SCMH1: variants seen among roughly 807,000 people sequenced by gnomAD.
SCMH1 encodes polycomb protein SCMH1.
A neutral mutation model predicts 70.8 loss-of-function variants in SCMH1; 37 were observed. The observed-to-expected ratio is 0.52, with a 90% confidence interval of 0.40 to 0.69. The LOEUF (loss-of-function observed/expected upper bound fraction) is 0.69. Among genes scored for constraint, SCMH1 ranks in the 30% least tolerant of loss-of-function variants. The pLI, the probability that SCMH1 is intolerant of heterozygous loss-of-function variation, is 0.00. For synonymous variants in SCMH1, 292 were observed against 307.4 expected (o/e 0.95, Z 0.52); for missense variants, 607 against 827.3 (o/e 0.73, Z 3.27).
chr1:41,079,519 CCTAA>C (rs1273353891), intron 8 of SCMH1, among the ~76,000 whole-genome samples: 7 of 152,094 alleles, frequency 4.6e-5, no homozygotes, highest in Admixed American at 3.9e-4. Flanking sequence ...AACCAACCAA[CCTAA>C]CTGATACATA....
Position 41,113,806 on chromosome 1 carries a change from T to C in SCMH1, c.502-280A>G, listed in dbSNP as rs1479512631. On this transcript the variant is annotated intron_variant, in intron 7 of 14. Coordinates refer to ENST00000337495, the Ensembl canonical transcript of SCMH1. This position sits in a 1 kb window ranked among gnomAD's most constrained non-coding sequence, Gnocchi z 4.3. The stretch of plus-strand genomic sequence containing the variant: ...CCCTTTCTGCCCTTCCCATATTCCA[T>C]TCCCCCTCTACCTACCACGGAGGTA... Among the ~76,000 whole-genome samples, 1 of 152,174 alleles carries C rather than the reference T, an allele frequency of 6.6e-6. No individual in the cohort carries two copies. The highest frequency in any genetic ancestry group is 2.4e-5 in the African/African-American group (1 of 41,440).
chr1:41,093,858 G>T (rs1165255220), intron 8 of SCMH1, among the ~76,000 whole-genome samples: 1 of 152,184 alleles, frequency 6.6e-6, no homozygotes, highest in Non-Finnish European at 1.5e-5. Flanking sequence ...TCATTTGAAA[G>T]CTTGAATTTT....
chr1:41,128,125 C>T (rs1673684829), intron 6 of SCMH1, among the ~76,000 whole-genome samples: 1 of 152,178 alleles, frequency 6.6e-6, no homozygotes. Flanking sequence ...ATTTTAATTT[C>T]AGAGGCTTTA....
At chr1:41,042,151 G>A (rs1288257118) in intron 12 of SCMH1, among the ~76,000 whole-genome samples, 1 of 151,568 alleles carries the variant, frequency 6.6e-6, no homozygotes, top group Non-Finnish European at 1.5e-5. Flanking sequence ...GAGTACCTCT[G>A]TGCTCTGCTT....
At chr1:41,230,884 AT>A (rs1661171450) in intron 1 of SCMH1, among the ~76,000 whole-genome samples, 1 of 152,196 alleles carries the variant, frequency 6.6e-6, no homozygotes, top group Admixed American at 6.5e-5. Context: ...TCTCCAGGCG[AT>A]TCTGATATTC....
At chr1:41,225,527 C>A (rs571947123) in intron 1 of SCMH1, among the ~76,000 whole-genome samples, 2 of 152,084 alleles carry the variant, frequency 1.3e-5, no homozygotes, top group Non-Finnish European at 2.9e-5. Context: ...AATCCATTAA[C>A]GATTAACAGA....
chr1:41,139,297 C>T (rs1342337362), intron 6 of SCMH1, among the ~76,000 whole-genome samples: 6 of 152,184 alleles, frequency 3.9e-5, no homozygotes, highest in Non-Finnish European at 8.8e-5. Context: ...CCATTGTTCT[C>T]TCCCTTTTTT....
chr1:41,204,799 T>A (rs1177134460), intron 1 of SCMH1, among the ~76,000 whole-genome samples: 1 of 152,208 alleles, frequency 6.6e-6, no homozygotes, highest in East Asian at 1.9e-4. Context: ...CTGGGGTGTT[T>A]ATGTTATTCA....
At chr1:41,225,704 T>G (rs148584036) in intron 1 of SCMH1, among the ~76,000 whole-genome samples, 3 of 152,246 alleles carry the variant, frequency 2.0e-5, no homozygotes, top group African/African-American at 4.8e-5. Context: ...AGTGGAAAAG[T>G]AATAAGTAGT....
At chr1:41,033,452 G>T (rs918251784) in intron 13 of SCMH1, among the ~76,000 whole-genome samples, 3 of 152,132 alleles carry the variant, frequency 2.0e-5, no homozygotes, top group Non-Finnish European at 4.4e-5. Context: ...CTTGAAGGAG[G>T]CGTTATCACC....
intron 7 of SCMH1, among the ~76,000 whole-genome samples, chr1:41,116,407 T>C (rs1325332563): frequency 6.6e-6 from 1 of 152,238 alleles, no homozygotes; most frequent in Non-Finnish European, 1.5e-5. Context: ...TGCCGCTTAC[T>C]AGCCACGTGA....
chr1:41,144,646 ACT>A (rs1644390801), intron 5 of SCMH1, among the ~76,000 whole-genome samples: 1 of 152,072 alleles, frequency 6.6e-6, no homozygotes, highest in South Asian at 2.1e-4. Flanking sequence ...TCATGTGGTA[ACT>A]CTGTTTAACA....
intron 8 of SCMH1, among the ~76,000 whole-genome samples, chr1:41,092,299 C>T (rs1663796953): frequency 6.6e-6 from 1 of 152,134 alleles, no homozygotes; most frequent in African/African-American, 2.4e-5. Flanking sequence ...ATAAATGGTG[C>T]TGGGAAAACT....
intron 8 of SCMH1, among the ~76,000 whole-genome samples, chr1:41,107,190 C>T (rs1264935158): frequency 1.3e-5 from 2 of 151,786 alleles, no homozygotes; most frequent in Admixed American, 1.3e-4. Context: ...ATAGAGCAGC[C>T]CATGTTAGAC....
chr1:41,158,666 A>G (rs1373016097), intron 4 of SCMH1, among the ~76,000 whole-genome samples: 1 of 152,224 alleles, frequency 6.6e-6, no homozygotes, highest in Admixed American at 6.5e-5. Flanking sequence ...ATACTGTATT[A>G]CTGAGAAGAG....
chr1:41,226,596 G>C (rs146599709), intron 1 of SCMH1, among the ~76,000 whole-genome samples: 42 of 152,094 alleles, frequency 2.8e-4, no homozygotes, highest in African/African-American at 9.9e-4. Flanking sequence ...AATTCATTTA[G>C]TCAACAAATA....
intron 13 of SCMH1, chr1:41,033,989 A>C (rs770981505): frequency 6.2e-7 from 1 of 1,614,058 alleles, no homozygotes; most frequent in Non-Finnish European, 8.5e-7. Flanking sequence ...ATACCTGGGG[A>C]ACGATTTAGT....
intron 10 of SCMH1, among the ~76,000 whole-genome samples, chr1:41,065,138 A>C (rs1173778504): frequency 6.6e-6 from 1 of 152,222 alleles, no homozygotes; most frequent in Non-Finnish European, 1.5e-5. Context: ...GTCAATGTAG[A>C]GATTGACTGC....
intron 2 of SCMH1, among the ~76,000 whole-genome samples, chr1:41,168,632 C>CTTTTTTTTTTTTTTTTTTTGT (rs1646574008): frequency 9.5e-6 from 1 of 104,716 alleles, no homozygotes; most frequent in Non-Finnish European, 1.9e-5. Flanking sequence ...GGAGATTTGT[C>CTTTTTTTTTTTTTTTTTTTGT]TTTTTTTTTT....
Sources: gnomAD v4.1 joint callset for allele counts (sites outside exome capture counted in the v4.1 genomes callset) on GRCh38, gnomAD v4.1.1 for gene constraint, Gnocchi (gnomAD v3.1) non-coding constraint, MANE v1.5 for transcripts, NCBI Gene and HGNC (gene_info 2026-07-23, HGNC 2026-07-21) for gene names.